NHSL1: variants seen among roughly 807,000 people sequenced by gnomAD.
NHSL1 encodes NHS like 1.
In NHSL1, 48 loss-of-function variants were observed where a neutral mutation model predicts 95.0. The ratio of observed to expected loss-of-function variants is 0.51; its 90% confidence interval spans 0.40 to 0.64. The LOEUF (loss-of-function observed/expected upper bound fraction) is 0.64, where lower values mean the gene tolerates loss of function less well. Among genes scored for constraint, NHSL1 ranks in the 30% least tolerant of loss-of-function variants. NHSL1 has a pLI of 0.00. For synonymous variants in NHSL1, 783 were observed against 833.9 expected, an observed-to-expected ratio of 0.94 and a Z score of 1.05; for missense variants, 1,971 against 2,077.7, an observed-to-expected ratio of 0.95 and a Z score of 1.00.
chr6:138,456,636 A>C (rs1777629667), intron 3 of NHSL1, among the ~76,000 whole-genome samples: 1 of 152,224 alleles, frequency 6.6e-6, no homozygotes, highest in African/African-American at 2.4e-5. Context: ...AAGGTTTCCC[A>C]GATTCAGTGA....
At chr6:138,519,774 T>C (rs570747749) in intron 1 of NHSL1, among the ~76,000 whole-genome samples, 1 of 152,330 alleles carries the variant, frequency 6.6e-6, no homozygotes, top group Non-Finnish European at 1.5e-5. Flanking sequence ...ATGGGCAGTA[T>C]TTCCCATTCC....
At chr6:138,503,650 T>C (rs1780805632), upstream of NHSL1, among the ~76,000 whole-genome samples, 1 of 152,212 alleles carries the variant, frequency 6.6e-6, no homozygotes, top group African/African-American at 2.4e-5. Flanking sequence ...AAATATTTAC[T>C]ACCTGGACCT....
intron 1 of NHSL1, among the ~76,000 whole-genome samples, chr6:138,565,209 C>T (rs982776609): frequency 1.3e-5 from 2 of 152,020 alleles, no homozygotes; most frequent in South Asian, 2.1e-4. Context: ...TGGGTTCAAG[C>T]GATTCTCCTG....
chr6:138,644,311 AC>A (rs1433635269), intron 1 of NHSL1, among the ~76,000 whole-genome samples: 10 of 152,202 alleles, frequency 6.6e-5, no homozygotes, highest in African/African-American at 2.4e-4. Flanking sequence ...GACCAGTCTG[AC>A]CAACATGGTG....
At chr6:138,445,286 A>T (rs1474903345) in intron 4 of NHSL1, among the ~76,000 whole-genome samples, 2 of 152,206 alleles carry the variant, frequency 1.3e-5, no homozygotes, top group Non-Finnish European at 2.9e-5. Flanking sequence ...ATATAATGTA[A>T]TTACATTTCT....
intron 2 of NHSL1, among the ~76,000 whole-genome samples, chr6:138,474,123 G>A (rs1245099271): frequency 6.6e-6 from 1 of 152,136 alleles, no homozygotes; most frequent in Non-Finnish European, 1.5e-5. Flanking sequence ...TCCCCTTCTA[G>A]GGGAAAGCAC....
intron 1 of NHSL1, among the ~76,000 whole-genome samples, chr6:138,658,499 C>T (rs1329817974): frequency 1.3e-5 from 2 of 152,218 alleles, no homozygotes; most frequent in Non-Finnish European, 2.9e-5. Context: ...CAAGCTCATC[C>T]ATATCGTAGC....
At chr6:138,514,006 A>G (rs1290086526) in intron 1 of NHSL1, among the ~76,000 whole-genome samples, 2 of 147,310 alleles carry the variant, frequency 1.4e-5, no homozygotes, top group Non-Finnish European at 2.9e-5. Flanking sequence ...GAAATAGTTT[A>G]CATTACCAAC....
intron 3 of NHSL1, among the ~76,000 whole-genome samples, chr6:138,455,504 TTCACATGCTCCCTGCAAGGAGCCCCGC>T (rs1562287786): frequency 7.9e-5 from 6 of 75,472 alleles, no homozygotes; most frequent in Non-Finnish European, 1.6e-4. Flanking sequence ...GAGCCCCGCC[TTCACATGCTCCCTGCAAGGAGCCCCGC>T]CTTCACATGC....
intron 1 of NHSL1, among the ~76,000 whole-genome samples, chr6:138,631,095 T>G (rs936925275): frequency 6.6e-6 from 1 of 152,152 alleles, no homozygotes; most frequent in Non-Finnish European, 1.5e-5. Context: ...CTGAACTCAG[T>G]GCTGCTCTGC....
At chr6:138,658,296 G>A (rs1785183809) in intron 1 of NHSL1, among the ~76,000 whole-genome samples, 1 of 152,170 alleles carries the variant, frequency 6.6e-6, no homozygotes, top group South Asian at 2.1e-4. Flanking sequence ...CCCCCAGAAT[G>A]TATTCCTCCT....
intron 1 of NHSL1, among the ~76,000 whole-genome samples, chr6:138,564,721 T>G (rs560774871): frequency 6.7e-6 from 1 of 150,298 alleles, no homozygotes; most frequent in South Asian, 2.1e-4. Context: ...CACAGACAAG[T>G]AAACAAGTAA....
intron 1 of NHSL1, among the ~76,000 whole-genome samples, chr6:138,612,575 A>T (rs549649134): frequency 6.6e-6 from 1 of 152,238 alleles, no homozygotes; most frequent in Non-Finnish European, 1.5e-5. Context: ...TAGAAGATAC[A>T]TGAGAGAGTG....
chr6:138,587,903 G>C (rs1466587499), intron 1 of NHSL1, among the ~76,000 whole-genome samples: 1 of 152,236 alleles, frequency 6.6e-6, no homozygotes, highest in Non-Finnish European at 1.5e-5. Flanking sequence ...CTGTTTGTTT[G>C]TTTAAGTTAC....
At chr6:138,555,734 C>T (rs375867398) in intron 1 of NHSL1, among the ~76,000 whole-genome samples, 3 of 152,204 alleles carry the variant, frequency 2.0e-5, no homozygotes, top group Admixed American at 6.5e-5. Context: ...TACAGAGTGA[C>T]TCAGACGCTT....
chr6:138,519,519 A>C (rs1781589345), intron 1 of NHSL1, among the ~76,000 whole-genome samples: 1 of 152,178 alleles, frequency 6.6e-6, no homozygotes, highest in South Asian at 2.1e-4. Context: ...TACATGAATA[A>C]TTTAATATGC....
intron 1 of NHSL1, among the ~76,000 whole-genome samples, chr6:138,614,164 T>C (rs7744480): frequency 0.37 from 56,233 of 152,068 alleles, 12,695 homozygotes; most frequent in African/African-American, 0.65. Context: ...GTAATGTAAA[T>C]AGAAATTGAT....
intron 3 of NHSL1, among the ~76,000 whole-genome samples, chr6:138,454,190 C>CGCGTGTGT (rs144366744): frequency 1.3e-5 from 2 of 151,268 alleles, no homozygotes; most frequent in East Asian, 1.9e-4. Flanking sequence ...TATATGTGTG[C>CGCGTGTGT]GTGTGTGTGT....
intron 1 of NHSL1, among the ~76,000 whole-genome samples, chr6:138,570,003 G>A (rs1327851796): frequency 2.6e-5 from 4 of 152,162 alleles, no homozygotes; most frequent in Non-Finnish European, 5.9e-5. Flanking sequence ...ACGTAAGCAA[G>A]TCCTCCCTTC....
Sources: allele counts gnomAD v4.1 joint callset (sites outside exome capture counted in the v4.1 genomes callset), GRCh38; gene constraint gnomAD v4.1.1; transcripts MANE v1.5; gene names NCBI Gene and HGNC (gene_info 2026-07-23, HGNC 2026-07-21).